Variants in ITIH5 observed in about 807,000 individuals in gnomAD.
ITIH5 encodes the protein inter-alpha-trypsin inhibitor heavy chain 5.
A neutral mutation model predicts 77.5 loss-of-function variants in ITIH5; 65 were observed. The observed-to-expected ratio is 0.84, with a 90% confidence interval of 0.69 to 1.03. The LOEUF is 1.03. Among genes scored for constraint, ITIH5 ranks in the 50% least tolerant of loss-of-function variants. The pLI is 0.00. For missense variants in ITIH5, 1,208 were observed against 1,213.1 expected, an observed-to-expected ratio of 1.00 and a Z score of 0.06; for synonymous variants, 525 against 494.3, an observed-to-expected ratio of 1.06 and a Z score of -0.82.
At chr10:7,654,149 C>T (rs1196467237) in intron 2 of ITIH5, among the ~76,000 whole-genome samples, 5 of 152,162 alleles carry the variant, frequency 3.3e-5, no homozygotes, top group Non-Finnish European at 5.9e-5. Flanking sequence ...AAGAGTGAGA[C>T]TCTGTAAGCA....
At chr10:7,612,518 G>A (rs1833268256) in intron 7 of ITIH5, among the ~76,000 whole-genome samples, 1 of 152,002 alleles carries the variant, frequency 6.6e-6, no homozygotes, top group Admixed American at 6.5e-5. Context: ...ATAATATGGG[G>A]GTGAATAAAA....
At chr10:7,666,392 A>T (rs1834361544) in intron 1 of ITIH5, among the ~76,000 whole-genome samples, 2 of 152,130 alleles carry the variant, frequency 1.3e-5, no homozygotes, top group African/African-American at 2.4e-5. Context: ...CCAGGAGTCT[A>T]GAACTCCTCT....
intron 10 of ITIH5, among the ~76,000 whole-genome samples, chr10:7,574,490 A>T (rs1463712860): frequency 1.3e-5 from 2 of 152,084 alleles, no homozygotes; most frequent in African/African-American, 4.8e-5. Flanking sequence ...ATCTTCATTT[A>T]AAAAACAAAA....
At chr10:7,642,193 T>G in intron 2 of ITIH5, 103 bp from the exon 3 acceptor site, 1 of 886,784 alleles carries the variant, frequency 1.1e-6, no homozygotes, top group Admixed American at 2.6e-5. Context: ...ATCTTCAGTT[T>G]GGGAGCCTTT....
At chr10:7,576,384 C>T in intron 10 of ITIH5, 69 bp downstream of exon 10, 1 of 1,314,980 alleles carries the variant, frequency 7.6e-7, no homozygotes, top group East Asian at 2.5e-5. Context: ...GCTGGGGCTT[C>T]CTGTGGAGGA....
At chr10:7,646,458 C>T (rs1834011506) in intron 2 of ITIH5, among the ~76,000 whole-genome samples, 2 of 152,304 alleles carry the variant, frequency 1.3e-5, no homozygotes, top group South Asian at 4.1e-4. Context: ...TTAATCTCAC[C>T]TAGTGATATA....
chr10:7,583,869 T>A (rs1488080243), intron 8 of ITIH5, among the ~76,000 whole-genome samples: 1 of 152,140 alleles, frequency 6.6e-6, no homozygotes, highest in Admixed American at 6.6e-5. Flanking sequence ...GGCATCTCCT[T>A]CCCACTGAAA....
Position 7,642,054 on chromosome 10 carries a change from A to G in ITIH5, c.172T>C (p.Ser58Pro). 3 of 1,614,088 alleles carry G rather than the reference A, an allele frequency of 1.9e-6. No homozygotes were observed. Among genetic ancestry groups the G allele is most frequent in the Non-Finnish European group, 2.5e-6 (3 of 1,179,950 alleles). ...AAGGCATAACGGGAAATGATGGTAG[A>G]CTTCACTGAGAATTCTGTCATCAAA... ...KPLMTEFSVK[S>P]TIISRYAFTT... is the part of the protein sequence containing the mutation. The change falls in exon 3 of 14, where the codon TCT (serine) becomes CCT (proline). Residue 58 changes from serine to proline, a missense_variant. Ser to Pro is a moderately conservative substitution (Grantham distance 74). Coordinates refer to ENST00000397146, the MANE Select transcript of ITIH5 (RefSeq NM_030569.7).
At chr10:7,579,619 C>T in intron 9 of ITIH5, 136 bp downstream of exon 9, 1 of 817,922 alleles carries the variant, frequency 1.2e-6, no homozygotes, top group Non-Finnish European at 2.0e-6. Flanking sequence ...GTGACACCTC[C>T]CATTGCAATG....
intron 9 of ITIH5, among the ~76,000 whole-genome samples, chr10:7,577,576 C>T (rs1242143179): frequency 6.6e-6 from 1 of 152,192 alleles, no homozygotes. Context: ...CTTTAAGCAG[C>T]GCATTCTACT....
At chr10:7,665,621 G>A (rs1351536138) in intron 1 of ITIH5, among the ~76,000 whole-genome samples, 1 of 152,194 alleles carries the variant, frequency 6.6e-6, no homozygotes, top group Non-Finnish European at 1.5e-5. Flanking sequence ...GTTATTGAGC[G>A]TCCACTGTAT....
chr10:7,655,593 G>A (rs374271588), intron 2 of ITIH5, 38 bp downstream of exon 2: 61 of 1,526,878 alleles, frequency 4.0e-5, no homozygotes, highest in Non-Finnish European at 5.4e-5. Context: ...AGAAGAATGA[G>A]GGAATGGACT....
At chr10:7,566,534 C>T (rs1358103049) in intron 12 of ITIH5, 127 bp from the exon 13 acceptor site, 1 of 810,350 alleles carries the variant, frequency 1.2e-6, no homozygotes, top group East Asian at 2.5e-5. Flanking sequence ...TCAAGACCAG[C>T]CTGGGCAACA....
In ITIH5 at chr10:7,580,044, G is replaced by T. The variant is rs556606623; in HGVS notation, c.1129C>A (p.Leu377Met). ...PTGGTDINGA[L>M]QRAIRLLNKY... is the part of the protein sequence containing the mutation. ...TTGAGGAGCCTGATGGCCCTCTGCA[G>T]GGCCCCGTTGATGTCTGTGCCTGCA... The change falls in exon 9 of 14, where the codon CTG (leucine) becomes ATG (methionine). Residue 377 changes from leucine to methionine, a missense_variant. Leu to Met is a conservative substitution (Grantham distance 15). Coordinates refer to ENST00000397146, the MANE Select transcript of ITIH5 (RefSeq NM_030569.7). The T allele has an allele frequency of 1.2e-6, 2 of 1,606,892 alleles. No homozygotes were observed. Among genetic ancestry groups the T allele is most frequent in the Admixed American group, 1.7e-5 (1 of 59,078 alleles).
At chr10:7,636,195 C>T (rs922512928) in intron 5 of ITIH5, among the ~76,000 whole-genome samples, 37 of 152,004 alleles carry the variant, frequency 2.4e-4, no homozygotes, top group African/African-American at 7.5e-4. Flanking sequence ...AAAAAAAATA[C>T]GGTGATTAAA....
At chr10:7,650,797 C>A (rs1834086588) in intron 2 of ITIH5, among the ~76,000 whole-genome samples, 1 of 151,978 alleles carries the variant, frequency 6.6e-6, no homozygotes, top group Non-Finnish European at 1.5e-5. Flanking sequence ...AAAGGCACTT[C>A]CCCAACTGCT....
intron 8 of ITIH5, among the ~76,000 whole-genome samples, chr10:7,582,849 TG>T (rs1173396870): frequency 6.6e-6 from 1 of 151,894 alleles, no homozygotes; most frequent in Non-Finnish European, 1.5e-5. Context: ...GGCAGGGTAG[TG>T]GGGGGTGGGG....
intron 4 of ITIH5, 48 bp from the exon 5 acceptor site, chr10:7,637,526 G>C: frequency 2.5e-6 from 4 of 1,585,662 alleles, no homozygotes; most frequent in Non-Finnish European, 3.4e-6. Context: ...GAAGAGGATA[G>C]AGCCAGGTTC....
At chr10:7,582,965 G>A (rs1379280417) in intron 8 of ITIH5, among the ~76,000 whole-genome samples, 3 of 152,112 alleles carry the variant, frequency 2.0e-5, no homozygotes, top group Non-Finnish European at 4.4e-5. Context: ...ATAATTTCAT[G>A]ATACACTTAA....
Sources: gnomAD v4.1 joint callset for allele counts (sites outside exome capture counted in the v4.1 genomes callset) on GRCh38, gnomAD v4.1.1 for gene constraint, MANE v1.5 for transcripts, NCBI Gene and HGNC (gene_info 2026-07-23, HGNC 2026-07-21) for gene names.